Variants in CIMIP2A observed in about 807,000 individuals in gnomAD.
CIMIP2A encodes family with sequence similarity 166 member A.
At chr9:137,245,909 G>A in the CIMIP2A span, 1 of 1,374,142 alleles carries the variant, frequency 7.3e-7, no homozygotes. Flanking sequence ...CCAGCACTGG[G>A]CAGGGCCCCT....
At chr9:137,246,621 G>A in the CIMIP2A span, among the ~76,000 whole-genome samples, 2 of 152,180 alleles carry the variant, frequency 1.3e-5, no homozygotes, top group Admixed American at 1.3e-4. Flanking sequence ...AAGTTATCCA[G>A]GCATTGGTGG....
At chr9:137,252,669 C>T in the CIMIP2A span, 24 of 1,545,240 alleles carry the variant, frequency 1.6e-5, no homozygotes, top group South Asian at 1.4e-4. Flanking sequence ...CAGTGGCCCT[C>T]GCCAGCCCAC....
At chr9:137,245,905 C>T in the CIMIP2A span, 1 of 1,392,552 alleles carries the variant, frequency 7.2e-7, no homozygotes, top group South Asian at 1.7e-5. Context: ...AGCCCCAGCA[C>T]TGGGCAGGGC....
At chr9:137,252,410 T>G in the CIMIP2A span, 1 of 1,601,654 alleles carries the variant, frequency 6.2e-7, no homozygotes, top group Non-Finnish European at 8.5e-7. Flanking sequence ...GCTCCCAGCC[T>G]TCTCTCTCTC....
At chr9:137,252,909 G>A in the CIMIP2A span, 212 of 1,598,582 alleles carry the variant, frequency 1.3e-4, 18 homozygotes, top group South Asian at 2.2e-3. Flanking sequence ...CAGAGCCCCC[G>A]CTCGCCGGCC....
At chr9:137,245,299 CT>C in the CIMIP2A span, 1 of 1,582,142 alleles carries the variant, frequency 6.3e-7, no homozygotes, top group Non-Finnish European at 8.6e-7. Flanking sequence ...GGTGCATCCC[CT>C]GGCTGCCTGG....
the CIMIP2A span, chr9:137,244,260 A>G: frequency 1.2e-6 from 2 of 1,613,818 alleles, no homozygotes; most frequent in Non-Finnish European, 1.7e-6. Context: ...CTTCTCGCCC[A>G]GGTCACAGTG....
the CIMIP2A span, chr9:137,253,491 G>T: frequency 7.0e-7 from 1 of 1,430,356 alleles, no homozygotes. Flanking sequence ...CGAGCTCTGT[G>T]GTGTGCAGTT....
At chr9:137,243,759 C>A in the CIMIP2A span, 1 of 1,614,058 alleles carries the variant, frequency 6.2e-7, no homozygotes, top group Non-Finnish European at 8.5e-7. Context: ...GTGCTGTTGC[C>A]GAATGTCAGG....
the CIMIP2A span, chr9:137,253,169 C>T: frequency 1.9e-6 from 3 of 1,604,276 alleles, no homozygotes; most frequent in South Asian, 1.1e-5. Flanking sequence ...TCACGCTTCC[C>T]TTCGGCGCCT....
At chr9:137,247,530 T>C in the CIMIP2A span, 1 of 828,684 alleles carries the variant, frequency 1.2e-6, no homozygotes, top group South Asian at 1.6e-5. Context: ...CAGTGCCCCG[T>C]GGTGTGGCCT....
At chr9:137,252,649 T>A in the CIMIP2A span, 2 of 1,535,846 alleles carry the variant, frequency 1.3e-6, no homozygotes, top group African/African-American at 2.7e-5. Flanking sequence ...GCCCGTCTCC[T>A]ACCCCCTCGC....
At chr9:137,253,434 C>T in the CIMIP2A span, 23 of 1,441,734 alleles carry the variant, frequency 1.6e-5, no homozygotes, top group African/African-American at 3.0e-4. Context: ...AGCCTGGATC[C>T]CCCATCTGCC....
At chr9:137,247,426 G>A in the CIMIP2A span, among the ~76,000 whole-genome samples, 4 of 152,248 alleles carry the variant, frequency 2.6e-5, no homozygotes, top group Non-Finnish European at 5.9e-5. Flanking sequence ...TATCGAGTTC[G>A]CAGCTGCACA....
At chr9:137,253,302 CGGGGCTTTCCCAGGCCTCCCCT>C in the CIMIP2A span, 1 of 1,563,760 alleles carries the variant, frequency 6.4e-7, no homozygotes, top group Non-Finnish European at 8.7e-7. Context: ...TGGCCTCCCC[CGGGGCTTTCCCAGGCCTCCCCT>C]GGGACTTGGG....
the CIMIP2A span, chr9:137,251,885 G>T: frequency 6.2e-7 from 1 of 1,608,038 alleles, no homozygotes; most frequent in Admixed American, 1.7e-5. Context: ...CCCAGACCCT[G>T]AGGGAACTAT....
At chr9:137,246,911 T>G in the CIMIP2A span, among the ~76,000 whole-genome samples, 253 of 152,284 alleles carry the variant, frequency 1.7e-3, 9 homozygotes, top group East Asian at 0.043. Flanking sequence ...ACACACACGT[T>G]CCGTAGAGGG....
chr9:137,253,623 A>G, the CIMIP2A span: 12 of 720,176 alleles, frequency 1.7e-5, no homozygotes, highest in Admixed American at 2.2e-4. Context: ...CTAGGGTGGC[A>G]GCCTGTGACT....
the CIMIP2A span, chr9:137,244,782 T>C: frequency 1.3e-6 from 2 of 1,598,380 alleles, no homozygotes; most frequent in Admixed American, 1.8e-5. Flanking sequence ...CCCTTAGCCT[T>C]CCCCTGGGCA....
Sources: gnomAD v4.1 joint callset for allele counts (sites outside exome capture counted in the v4.1 genomes callset) on GRCh38, gnomAD v4.1.1 for gene constraint, MANE v1.5 for transcripts, NCBI Gene and HGNC (gene_info 2026-07-23, HGNC 2026-07-21) for gene names.